LDB2: variants seen among roughly 807,000 people sequenced by gnomAD.
The protein encoded by LDB2 is LIM domain-binding protein 2.
Under a neutral mutation model 44.3 loss-of-function variants are expected in LDB2, and 12 were observed. The observed-to-expected ratio is 0.27, with a 90% CI of 0.17 to 0.44. The LOEUF is 0.44. Among genes scored for constraint, LDB2 ranks in the 20% least tolerant of loss-of-function variants. The pLI is 1.00. For synonymous variants in LDB2, 164 were observed against 174.8 expected (o/e 0.94, Z 0.49); for missense variants, 344 against 473.5 (o/e 0.73, Z 2.54).
chr4:16,589,105 A>G (rs1717999793), intron 3 of LDB2, among the ~76,000 whole-genome samples: 1 of 152,178 alleles, frequency 6.6e-6, no homozygotes, highest in Non-Finnish European at 1.5e-5. Flanking sequence ...CAGTTTCTTC[A>G]TCTGTAAATA....
intron 5 of LDB2, among the ~76,000 whole-genome samples, chr4:16,585,714 C>G (rs1716550211): frequency 6.6e-6 from 1 of 152,146 alleles, no homozygotes; most frequent in Non-Finnish European, 1.5e-5. Flanking sequence ...ATATAGGACT[C>G]AACCCTGACA....
chr4:16,790,753 ATTTCCAGTTCTTC>A (rs1375650209), intron 1 of LDB2, among the ~76,000 whole-genome samples: 2 of 152,192 alleles, frequency 1.3e-5, no homozygotes, highest in African/African-American at 4.8e-5. Context: ...GTCATCTGAG[ATTTCCAGTTCTTC>A]TTCCAGGTAA....
At chr4:16,786,151 A>G (rs1774377092) in intron 1 of LDB2, among the ~76,000 whole-genome samples, 1 of 152,238 alleles carries the variant, frequency 6.6e-6, no homozygotes, top group Admixed American at 6.5e-5. Context: ...TGTAACTGAC[A>G]GAATCCTATA....
At chr4:16,565,393 C>T (rs757828459) in intron 5 of LDB2, among the ~76,000 whole-genome samples, 8 of 151,996 alleles carry the variant, frequency 5.3e-5, no homozygotes, top group East Asian at 1.9e-4. Context: ...AGAGTAAAAC[C>T]GTCTCCTTGG....
intron 2 of LDB2, among the ~76,000 whole-genome samples, chr4:16,754,975 T>C (rs1444684996): frequency 1.3e-5 from 2 of 152,208 alleles, no homozygotes; most frequent in Admixed American, 1.3e-4. Flanking sequence ...AGCCCTGCAT[T>C]GCCTGCTGAG....
chr4:16,669,490 TA>T (rs1744187426), intron 2 of LDB2, among the ~76,000 whole-genome samples: 1 of 152,248 alleles, frequency 6.6e-6, no homozygotes, highest in Non-Finnish European at 1.5e-5. Context: ...GATTATTTTC[TA>T]AAAGATAAAT....
chr4:16,524,345 C>T (rs1182047314), intron 5 of LDB2, among the ~76,000 whole-genome samples: 4 of 152,198 alleles, frequency 2.6e-5, no homozygotes, highest in South Asian at 2.1e-4. Context: ...AAGGGCAAAG[C>T]GTGTCAGGAA....
chr4:16,757,975 G>A (rs571641741), intron 2 of LDB2, among the ~76,000 whole-genome samples: 10 of 73,378 alleles, frequency 1.4e-4, no homozygotes, highest in Non-Finnish European at 2.7e-4. Context: ...TTAAAAGTCC[G>A]TGAGACACAA....
chr4:16,506,195 A>C lies in LDB2; in HGVS notation c.891+2340T>G, dbSNP rs144035281. ...GACAGGGTTAAAAGATATGGTCACC[A>C]CAAGTCATCCAACGCTTATCATTTA... On this transcript the variant is annotated intron_variant, in intron 7 of 7. Coordinates refer to ENST00000304523, the MANE Select transcript of LDB2 (RefSeq NM_001290.5). The C allele has an allele frequency of 1.2e-4, 57 of 482,334 alleles. No homozygotes were observed. The East Asian group carries it at 1.6e-3, about 14-fold the overall frequency. The allele number at this position is 482,334 out of a possible 1,614,324, so 29.9% of individuals were successfully genotyped here.
At chr4:16,603,740 C>T (rs1723189344) in intron 2 of LDB2, among the ~76,000 whole-genome samples, 1 of 152,082 alleles carries the variant, frequency 6.6e-6, no homozygotes, top group Non-Finnish European at 1.5e-5. Flanking sequence ...GAAATTGATT[C>T]AAATTAAATT....
In LDB2 at chr4:16,502,388, A is replaced by G; in HGVS notation, c.*255T>C. 1 of 481,310 alleles carries G rather than the reference A, an allele frequency of 2.1e-6. No individual in the cohort carries two copies. 29.8% of individuals were successfully genotyped at this position (481,310 alleles called of 1,614,324 possible). A position where few individuals can be genotyped will look rare whatever the true frequency, so the allele number is the denominator to read the frequency against. On this transcript the variant is annotated 3_prime_UTR_variant, in exon 8 of 8. Coordinates refer to ENST00000304523, the MANE Select transcript of LDB2 (RefSeq NM_001290.5). ...AGAAGATGCGCTAGAGTTTTCTCTC[A>G]TTTTAATTACAATCAGTGCCAGTAT...
chr4:16,718,038 G>A (rs184279657), intron 2 of LDB2, among the ~76,000 whole-genome samples: 6 of 152,104 alleles, frequency 3.9e-5, no homozygotes, highest in East Asian at 1.9e-4. Flanking sequence ...TTCAAAATGC[G>A]GATCCCAGGG....
At chr4:16,528,593 G>T (rs915766526) in intron 5 of LDB2, among the ~76,000 whole-genome samples, 1 of 152,160 alleles carries the variant, frequency 6.6e-6, no homozygotes, top group African/African-American at 2.4e-5. Context: ...CAGGGCCTTC[G>T]GCCAGCCTTG....
chr4:16,680,737 A>G (rs1159308368), intron 2 of LDB2, among the ~76,000 whole-genome samples: 1 of 152,204 alleles, frequency 6.6e-6, no homozygotes, highest in Non-Finnish European at 1.5e-5. Flanking sequence ...TTTTTAAATA[A>G]CCTGCACAGT....
chr4:16,878,936 G>A (rs1719229683), intron 1 of LDB2, among the ~76,000 whole-genome samples: 1 of 152,156 alleles, frequency 6.6e-6, no homozygotes, highest in Admixed American at 6.5e-5. Flanking sequence ...ACAGAAACAT[G>A]CTTGATTCCT....
At chr4:16,704,174 C>A (rs1329139670) in intron 2 of LDB2, among the ~76,000 whole-genome samples, 2 of 152,178 alleles carry the variant, frequency 1.3e-5, no homozygotes, top group South Asian at 4.1e-4. Context: ...ATTGTGATTT[C>A]TGTTTCCTTT....
intron 5 of LDB2, among the ~76,000 whole-genome samples, chr4:16,563,928 G>A (rs1743519663): frequency 6.6e-6 from 1 of 152,098 alleles, no homozygotes; most frequent in Non-Finnish European, 1.5e-5. Flanking sequence ...CAGAAGCCCT[G>A]ACATCAAAGA....
intron 1 of LDB2, among the ~76,000 whole-genome samples, chr4:16,851,031 T>G (rs1788131769): frequency 6.7e-6 from 1 of 150,250 alleles, no homozygotes; most frequent in Non-Finnish European, 1.5e-5. Flanking sequence ...AGGGGAAAAC[T>G]TGTTCAGAAG....
At chr4:16,738,476 C>G (rs528967864) in intron 2 of LDB2, among the ~76,000 whole-genome samples, 159 of 152,308 alleles carry the variant, frequency 1.0e-3, no homozygotes, top group African/African-American at 3.5e-3. Flanking sequence ...TTTCTATAGC[C>G]TTCACATGAG....
Sources: allele counts gnomAD v4.1 joint callset (sites outside exome capture counted in the v4.1 genomes callset), GRCh38; gene constraint gnomAD v4.1.1; transcripts MANE v1.5; gene names NCBI Gene and HGNC (gene_info 2026-07-23, HGNC 2026-07-21).